ADAM18: variants seen among roughly 807,000 people sequenced by gnomAD.
ADAM18 encodes the protein ADAM metallopeptidase domain 18, also known as disintegrin and metalloproteinase domain-containing protein 18.
A neutral mutation model predicts 94.4 loss-of-function variants in ADAM18; 117 were observed. The observed-to-expected ratio is 1.24, with a 90% CI of 1.07 to 1.45. The LOEUF (loss-of-function observed/expected upper bound fraction) is 1.45, where lower values mean the gene tolerates loss of function less well. ADAM18 is among the 40% of genes most tolerant of loss of function. ADAM18 has a pLI of 0.00. For missense variants in ADAM18, 936 were observed against 880.0 expected (o/e 1.06, Z -0.81); for synonymous variants, 327 against 291.6 (o/e 1.12, Z -1.24).
intron 3 of ADAM18, among the ~76,000 whole-genome samples, chr8:39,606,686 C>T (rs1310969917): frequency 9.2e-5 from 14 of 152,116 alleles, no homozygotes; most frequent in Admixed American, 9.2e-4. Context: ...ATAGTTATGT[C>T]ACTGGTGTCC....
At chr8:39,659,468 A>G (rs1002205737) in intron 12 of ADAM18, among the ~76,000 whole-genome samples, 9 of 152,170 alleles carry the variant, frequency 5.9e-5, no homozygotes, top group African/African-American at 2.2e-4. Flanking sequence ...TATAAGCAAT[A>G]GCAATTACTA....
chr8:39,712,205 C>G (rs1822429032), intron 18 of ADAM18, among the ~76,000 whole-genome samples: 1 of 152,076 alleles, frequency 6.6e-6, no homozygotes, highest in African/African-American at 2.4e-5. Flanking sequence ...ACGATTATCT[C>G]AATAGATACA....
intron 10 of ADAM18, among the ~76,000 whole-genome samples, chr8:39,639,308 CT>C (rs754116775): frequency 2.0e-4 from 30 of 151,930 alleles, no homozygotes; most frequent in Non-Finnish European, 2.1e-4. Context: ...ATCCAATTGC[CT>C]TTGTTTAATT....
Position 39,610,827 on chromosome 8 carries a change from T to A in ADAM18, c.522+121T>A, listed in dbSNP as rs186687629. The A allele has an allele frequency of 7.9e-5, 103 of 1,306,184 alleles. No homozygotes were observed. In the African/African-American group the frequency reaches 1.4e-3, roughly 18 times the overall value. The allele number at this position is 1,306,184 out of a possible 1,614,324, so 80.9% of individuals were successfully genotyped here. On this transcript the variant is annotated intron_variant, in intron 6 of 19. Transcript: ENST00000265707. ...GAATATTAAATTTTATGTATTTTTC[T>A]ACCTTTAAATAAAACATTGAAACTT... is the stretch of plus-strand genomic sequence containing the variant.
At chr8:39,703,507 G>A (rs1370781934) in intron 17 of ADAM18, among the ~76,000 whole-genome samples, 2 of 151,794 alleles carry the variant, frequency 1.3e-5, no homozygotes, top group African/African-American at 4.8e-5. Flanking sequence ...GCCCAGAACT[G>A]TAAATATTAT....
chr8:39,656,875 A>G (rs903677247), intron 12 of ADAM18, among the ~76,000 whole-genome samples: 5 of 152,216 alleles, frequency 3.3e-5, no homozygotes, highest in African/African-American at 7.2e-5. Flanking sequence ...ACAAAACACC[A>G]TCAGAATGGC....
At chr8:39,669,538 T>G (rs7461232) in intron 14 of ADAM18, among the ~76,000 whole-genome samples, 3 of 144,772 alleles carry the variant, frequency 2.1e-5, no homozygotes, top group Non-Finnish European at 4.5e-5. Context: ...TTGTTCAATT[T>G]CCACCTATGA....
At chr8:39,615,172 G>A (rs1819400986) in intron 6 of ADAM18, among the ~76,000 whole-genome samples, 1 of 151,524 alleles carries the variant, frequency 6.6e-6, no homozygotes, top group Non-Finnish European at 1.5e-5. Context: ...TGTGCACATG[G>A]CATGTACTCT....
intron 16 of ADAM18, among the ~76,000 whole-genome samples, chr8:39,686,616 C>G (rs2129580721): frequency 6.6e-6 from 1 of 152,256 alleles, no homozygotes; most frequent in East Asian, 1.9e-4. Context: ...ATGTTAATAT[C>G]TTGGTTAAAG....
At chr8:39,689,030 A>G (rs1251681005) in intron 16 of ADAM18, among the ~76,000 whole-genome samples, 3 of 149,862 alleles carry the variant, frequency 2.0e-5, no homozygotes, top group African/African-American at 7.4e-5. Context: ...GTATCTGTTC[A>G]TGTTCTTTGG....
At position 39,636,193 on chromosome 8, in the gene ADAM18, A is replaced by T. The variant is rs189571260; in HGVS notation, c.589-1071A>T. Among the ~76,000 whole-genome samples the T allele has an allele frequency of 1.7e-3, 261 of 151,960 alleles. 1 individual carries two copies. The highest frequency in any genetic ancestry group is 4.7e-3 in the African/African-American group (194 of 41,460). On this transcript the variant is annotated intron_variant, in intron 7 of 19. Transcript: ENST00000265707. ...ACCACAATGCCTGGATAATTTTTTT[A>T]AAATTTTTTAAAGAGATGAAGTCTC... is the stretch of plus-strand genomic sequence containing the variant.
chr8:39,634,567 G>A lies in ADAM18; in HGVS notation c.589-2697G>A, dbSNP rs142816234. ...GTCATGGAGTCAAAGAGGATCACTT[G>A]CAGGCCTTAAGATTTAATATTGTTT... On this transcript the variant is annotated intron_variant, in intron 7 of 19. Transcript: ENST00000265707. Among the ~76,000 whole-genome samples, 146 of 152,312 alleles carry A rather than the reference G, an allele frequency of 9.6e-4. 3 individuals carry two copies. In the East Asian group the frequency reaches 0.027, roughly 28 times the overall value.
chr8:39,638,081 T>G (rs537578618), intron 9 of ADAM18, among the ~76,000 whole-genome samples: 9 of 151,764 alleles, frequency 5.9e-5, no homozygotes, highest in African/African-American at 1.2e-4. Flanking sequence ...GGGATTTGGG[T>G]TTTTTTTAAT....
intron 2 of ADAM18, among the ~76,000 whole-genome samples, chr8:39,591,021 A>G (rs1301342070): frequency 6.6e-6 from 1 of 152,212 alleles, no homozygotes; most frequent in African/African-American, 2.4e-5. Context: ...GGTATACTAT[A>G]TACTATAGTT....
intron 6 of ADAM18, among the ~76,000 whole-genome samples, chr8:39,626,607 A>T (rs112371107): frequency 0.01 from 1,527 of 151,992 alleles, 28 homozygotes; most frequent in African/African-American, 0.035. Context: ...TTGTATTACT[A>T]TTATCATTCA....
At chr8:39,712,791 G>T (rs181637829) in intron 18 of ADAM18, among the ~76,000 whole-genome samples, 1 of 152,202 alleles carries the variant, frequency 6.6e-6, no homozygotes, top group Admixed American at 6.5e-5. Flanking sequence ...AATAAAAGAG[G>T]ATACAAAGAA....
At chr8:39,708,020 T>C (rs1226724940) in intron 18 of ADAM18, among the ~76,000 whole-genome samples, 1 of 152,148 alleles carries the variant, frequency 6.6e-6, no homozygotes, top group Non-Finnish European at 1.5e-5. Context: ...AATGGACAGG[T>C]AGCATATACG....
At chr8:39,729,639 C>T (rs1446749908) in intron 19 of ADAM18, among the ~76,000 whole-genome samples, 1 of 151,910 alleles carries the variant, frequency 6.6e-6, no homozygotes, top group Non-Finnish European at 1.5e-5. Flanking sequence ...AAAACATATA[C>T]ATTTATTTTA....
At chr8:39,694,817 T>C (rs1196769577) in intron 17 of ADAM18, among the ~76,000 whole-genome samples, 1 of 151,614 alleles carries the variant, frequency 6.6e-6, no homozygotes, top group Non-Finnish European at 1.5e-5. Flanking sequence ...TTGTACATTC[T>C]ATGGGTCCTA....
Sources: allele counts gnomAD v4.1 joint callset (sites outside exome capture counted in the v4.1 genomes callset), GRCh38; gene constraint gnomAD v4.1.1; transcripts MANE v1.5; gene names NCBI Gene and HGNC (gene_info 2026-07-23, HGNC 2026-07-21).